ITPR1: variants seen among roughly 807,000 people sequenced by gnomAD.
ITPR1 encodes inositol 1,4,5-trisphosphate-gated calcium channel ITPR1.
A neutral mutation model predicts 318.4 loss-of-function variants in ITPR1; 96 were observed. The ratio of observed to expected loss-of-function variants is 0.30; its 90% CI spans 0.26 to 0.36. The LOEUF is 0.36. Ranked by LOEUF, ITPR1 falls within the 10% of genes least tolerant of loss-of-function variation. The pLI is 1.00. For missense variants in ITPR1, 2,440 were observed against 3,460.2 expected, an observed-to-expected ratio of 0.71 and a Z score of 7.40; for synonymous variants, 1,312 against 1,289.9, an observed-to-expected ratio of 1.02 and a Z score of -0.37.
intron 39 of ITPR1, among the ~76,000 whole-genome samples, chr3:4,716,880 C>G (rs1254377261): frequency 1.3e-5 from 2 of 152,138 alleles, no homozygotes; most frequent in Non-Finnish European, 2.9e-5. Context: ...ATATGCTGGT[C>G]TTATTAGCTG....
At chr3:4,656,452 C>T (rs1159644344) in intron 12 of ITPR1, among the ~76,000 whole-genome samples, 2 of 152,176 alleles carry the variant, frequency 1.3e-5, no homozygotes, top group Non-Finnish European at 2.9e-5. Context: ...TGTCACTGTC[C>T]AGGTAATTCT....
rs886106160 is a variant in ITPR1, at chr3:4,511,978, G to C, written c.-16-4498G>C. On this transcript the variant is annotated intron_variant, in intron 2 of 61. Coordinates refer to ENST00000649015, the MANE Select transcript of ITPR1 (RefSeq NM_001378452.1). Reference sequence around the variant, plus strand: ...CTATCCTTTGTGGGGCTAAGGGAGGGGACAGGAGTAATTGTTTTATTTTTT... The same window carrying C: ...CTATCCTTTGTGGGGCTAAGGGAGGCGACAGGAGTAATTGTTTTATTTTTT... 5.9e-5 allele frequency among the ~76,000 whole-genome samples: 9 copies of C among 152,200 alleles called. 1 individual carries two copies.
intron 4 of ITPR1, among the ~76,000 whole-genome samples, chr3:4,568,644 A>G (rs1232845037): frequency 6.6e-6 from 1 of 152,202 alleles, no homozygotes; most frequent in Non-Finnish European, 1.5e-5. Flanking sequence ...AAGGTAACGC[A>G]GCCTGCAAAA....
At chr3:4,713,961 T>G (rs2041574898) in intron 39 of ITPR1, among the ~76,000 whole-genome samples, 1 of 152,232 alleles carries the variant, frequency 6.6e-6, no homozygotes, top group African/African-American at 2.4e-5. Context: ...CTTGTCGTGC[T>G]TCTGGCCCAA....
At chr3:4,842,568 A>G (rs2051431041) in intron 61 of ITPR1, among the ~76,000 whole-genome samples, 1 of 152,166 alleles carries the variant, frequency 6.6e-6, no homozygotes, top group Admixed American at 6.5e-5. Context: ...GGGTTTTACC[A>G]TGTTGGCCAG....
At chr3:4,537,604 G>A (rs946546902) in intron 4 of ITPR1, among the ~76,000 whole-genome samples, 6 of 152,168 alleles carry the variant, frequency 3.9e-5, no homozygotes, top group African/African-American at 1.2e-4. Flanking sequence ...TGATCACAAG[G>A]GTCCTTGTAG....
chr3:4,747,887 T>C (rs2044222061), intron 44 of ITPR1, among the ~76,000 whole-genome samples: 1 of 152,214 alleles, frequency 6.6e-6, no homozygotes, highest in Non-Finnish European at 1.5e-5. Flanking sequence ...GAAGCATATG[T>C]TCTTTGGCAT....
chr3:4,605,011 G>A (rs150871267), intron 4 of ITPR1, among the ~76,000 whole-genome samples: 1,548 of 151,954 alleles, frequency 0.01, 30 homozygotes, highest in Middle Eastern at 0.041. Context: ...TTGTTCTGTC[G>A]CCTAGGCTGA....
chr3:4,590,257 C>G (rs1382345778), intron 4 of ITPR1, among the ~76,000 whole-genome samples: 4 of 133,754 alleles, frequency 3.0e-5, no homozygotes, highest in Non-Finnish European at 6.1e-5. Flanking sequence ...CTTATTTGCT[C>G]TTTATCTTTC....
chr3:4,744,127 C>CGCTG (rs1233596001), intron 44 of ITPR1, among the ~76,000 whole-genome samples: 1 of 152,162 alleles, frequency 6.6e-6, no homozygotes, highest in African/African-American at 2.4e-5. Context: ...TGAGCCACCA[C>CGCTG]GCTGGCTAGG....
intron 2 of ITPR1, among the ~76,000 whole-genome samples, chr3:4,516,103 A>G (rs180926837): frequency 7.2e-5 from 11 of 152,318 alleles, no homozygotes; most frequent in Non-Finnish European, 1.6e-4. Context: ...TTAATGTTTC[A>G]TAAGTCAGAC....
At chr3:4,785,468 T>C (rs2047121471) in intron 51 of ITPR1, among the ~76,000 whole-genome samples, 1 of 152,264 alleles carries the variant, frequency 6.6e-6, no homozygotes, top group Non-Finnish European at 1.5e-5. Context: ...ATGGAGACTT[T>C]TCAAGAATGT....
In ITPR1 at chr3:4,737,839, C is replaced by T. The variant is rs76457767; in HGVS notation, c.5544+2485C>T. 1.9e-3 allele frequency among the ~76,000 whole-genome samples: 286 copies of T among 152,296 alleles called. 1 individual carries two copies. The highest frequency in any genetic ancestry group is 6.6e-3 in the African/African-American group (274 of 41,544). On this transcript the variant is annotated intron_variant, in intron 44 of 61. Coordinates refer to ENST00000649015, the MANE Select transcript of ITPR1 (RefSeq NM_001378452.1). ...GCTCTCTGGGTGCTGGAAACATATT[C>T]GACCTCTTTGTTTGGGTGGTGGTTA...
At chr3:4,791,950 T>C (rs2125411157) in intron 52 of ITPR1, among the ~76,000 whole-genome samples, 1 of 152,320 alleles carries the variant, frequency 6.6e-6, no homozygotes, top group Middle Eastern at 3.4e-3. Context: ...TTGATTATCT[T>C]ACAGTTCTGG....
intron 30 of ITPR1, among the ~76,000 whole-genome samples, chr3:4,686,106 C>T (rs2094389616): frequency 6.6e-6 from 1 of 152,172 alleles, no homozygotes; most frequent in Non-Finnish European, 1.5e-5. Context: ...GTGGTGCTAT[C>T]TTTAGCCCCA....
intron 32 of ITPR1, among the ~76,000 whole-genome samples, chr3:4,692,566 T>C (rs890641953): frequency 7.9e-5 from 12 of 152,326 alleles, no homozygotes; most frequent in African/African-American, 2.4e-4. Flanking sequence ...CATTAGTAAG[T>C]ATTGACCATG....
chr3:4,551,233 CA>C (rs1165915044), intron 4 of ITPR1, among the ~76,000 whole-genome samples: 1 of 152,032 alleles, frequency 6.6e-6, no homozygotes, highest in Admixed American at 6.6e-5. Flanking sequence ...GTAACAACAA[CA>C]AAAAAGACCA....
At chr3:4,555,300 T>C (rs1324440541) in intron 4 of ITPR1, among the ~76,000 whole-genome samples, 2 of 152,188 alleles carry the variant, frequency 1.3e-5, no homozygotes, top group Non-Finnish European at 2.9e-5. Flanking sequence ...CAGGTAGTTA[T>C]TACAGAGACA....
rs1487052196 is a variant in ITPR1 at position 4,814,696 on chromosome 3, C to A, written c.7701+134C>A. 4 of 785,966 alleles carry A rather than the reference C, an allele frequency of 5.1e-6. No individual in the cohort carries two copies. The African/African-American group carries it at 5.2e-5, about 10-fold the overall frequency. The allele number at this position is 785,966 out of a possible 1,614,324, so 48.7% of individuals were successfully genotyped here. On this transcript the variant is annotated intron_variant, in intron 58 of 61. Transcript: ENST00000649015. ...GGAGTAGGGCTGAGTAGCTGCGGAA[C>A]TAGCTCATCAGGCTCCTTTCCTCTC...
Sources: allele counts gnomAD v4.1 joint callset (sites outside exome capture counted in the v4.1 genomes callset), GRCh38; gene constraint gnomAD v4.1.1; transcripts MANE v1.5; gene names NCBI Gene and HGNC (gene_info 2026-07-23, HGNC 2026-07-21).